ZNF717: variants seen among roughly 807,000 people sequenced by gnomAD.
The protein encoded by ZNF717 is krueppel-like factor X17.
ZNF717 carries 9 observed loss-of-function variants against 13.8 expected under a neutral mutation model. That is an observed-to-expected ratio of 0.65 (90% CI 0.39 to 1.14). The LOEUF is 1.14. ZNF717 is among the 50% of genes most tolerant of loss of function. The pLI is 0.01. For missense variants in ZNF717, 1,040 were observed against 1,080.7 expected (o/e 0.96, Z 0.53); for synonymous variants, 327 against 364.1 (o/e 0.90, Z 1.16).
At chr3:75,778,715 C>T (rs1405036331) in intron 2 of ZNF717, among the ~76,000 whole-genome samples, 1 of 150,940 alleles carries the variant, frequency 6.6e-6, no homozygotes, top group Non-Finnish European at 1.5e-5. Context: ...AACCGGAACC[C>T]AAAACAATGT....
chr3:75,754,727 G>A (rs1457519755), intron 2 of ZNF717, among the ~76,000 whole-genome samples: 1 of 152,112 alleles, frequency 6.6e-6, no homozygotes, highest in Non-Finnish European at 1.5e-5. Flanking sequence ...TACAAAAGGT[G>A]AAACAGGGTA....
chr3:75,783,251 C>G, intron 2 of ZNF717, 55 bp downstream of exon 2: 2 of 1,329,816 alleles, frequency 1.5e-6, no homozygotes, highest in Non-Finnish European at 2.1e-6. Flanking sequence ...CACAGACACC[C>G]ATAAACTCAG....
intron 2 of ZNF717, among the ~76,000 whole-genome samples, chr3:75,744,132 T>C (rs1940840777): frequency 6.6e-6 from 1 of 152,260 alleles, no homozygotes. Flanking sequence ...GAAGGAACTT[T>C]CTGAGTTTAT....
intron 1 of ZNF717, 71 bp from the exon 2 acceptor site, chr3:75,783,435 A>G (rs1944954979): frequency 1.9e-5 from 24 of 1,244,906 alleles, no homozygotes; most frequent in Admixed American, 6.4e-5. Flanking sequence ...TCTTCTGCCC[A>G]ACACTCTAGA....
downstream of ZNF717, among the ~76,000 whole-genome samples, chr3:75,708,093 A>T (rs1480289580): frequency 2.0e-5 from 3 of 152,230 alleles, no homozygotes; most frequent in African/African-American, 7.2e-5. Context: ...GACAGCTTTG[A>T]AGAGAGCAGT....
Position 75,780,093 on chromosome 3 carries a change from G to A in ZNF717, c.57+3213C>T, listed in dbSNP as rs1944692413. 2.7e-5 allele frequency among the ~76,000 whole-genome samples: 4 copies of A among 150,856 alleles called. No individual in the cohort carries two copies. The Middle Eastern group carries it at 0.01, about 396-fold the overall frequency. On this transcript the variant is annotated intron_variant, in intron 2 of 4. Coordinates refer to ENST00000652011, the MANE Select transcript of ZNF717 (RefSeq NM_001290208.3). ...GCCAGAAACCCAAAACAATGGGAGTGACGTGCTAAGCCAGAAACCCAAAAC... is the reference window on the plus strand; with the variant it reads ...GCCAGAAACCCAAAACAATGGGAGTAACGTGCTAAGCCAGAAACCCAAAAC...
At chr3:75,705,207 A>T (rs1191606131), downstream of ZNF717, among the ~76,000 whole-genome samples, 1 of 152,386 alleles carries the variant, frequency 6.6e-6, no homozygotes, top group Admixed American at 6.5e-5. Flanking sequence ...CAGTGTGAAA[A>T]TGGACTAATA....
intron 2 of ZNF717, among the ~76,000 whole-genome samples, chr3:75,752,112 G>A (rs1388632497): frequency 3.3e-5 from 5 of 150,420 alleles, no homozygotes; most frequent in Non-Finnish European, 4.4e-5. Context: ...CACTCCTACT[G>A]TGGTCTGAAT....
downstream of ZNF717, among the ~76,000 whole-genome samples, chr3:75,725,224 T>A (rs1285841522): frequency 7.0e-6 from 1 of 142,962 alleles, no homozygotes; most frequent in Admixed American, 7.1e-5. Flanking sequence ...TCCTCTCACT[T>A]CCCGTTATCT....
downstream of ZNF717, among the ~76,000 whole-genome samples, chr3:75,705,558 A>G (rs1937788040): frequency 6.6e-6 from 1 of 152,304 alleles, no homozygotes; most frequent in South Asian, 2.1e-4. Flanking sequence ...GCAACGCGTT[A>G]TTAATTTCTT....
intron 6 of ZNF717, among the ~76,000 whole-genome samples, chr3:75,698,170 T>A (rs74281631): frequency 9.9e-5 from 15 of 152,126 alleles, no homozygotes; most frequent in African/African-American, 3.1e-4. Flanking sequence ...AAAAAGGTTG[T>A]AACTTAAGCT....
chr3:75,724,782 C>T lies in ZNF717; in HGVS notation n.545-8241G>A, dbSNP rs1402195530. Among the ~76,000 whole-genome samples, 5 of 152,078 alleles carry T rather than the reference C, an allele frequency of 3.3e-5. No homozygotes were observed. In the East Asian group the frequency reaches 9.7e-4, roughly 29 times the overall value. ...ACGGTTTTACTTACTATTGCATTTG[C>T]ACCAAAGCAGAGAACAAAAACAAGC... On this transcript the variant is annotated intron_variant and non_coding_transcript_variant, in intron 4 of 5. Transcript: ENST00000491507.
rs75376937 is a variant in ZNF717 at position 75,699,026 on chromosome 3, A to G, written n.1085+12161T>C. Among the ~76,000 whole-genome samples, 375 of 143,790 alleles carry G rather than the reference A, an allele frequency of 2.6e-3. No homozygotes were observed. The South Asian group carries it at 0.033, about 13-fold the overall frequency. 94.3% of individuals were successfully genotyped at this position (143,790 alleles called of 152,430 possible). On this transcript the variant is annotated intron_variant and non_coding_transcript_variant, in intron 6 of 6. Coordinates refer to the ZNF717 transcript ENST00000648506. ...GAAAATGGGACACAGAGTGAAAAAT[A>G]ATTATTTTGGAGCCTTACAATTCAG...
At position 75,741,614 on chromosome 3, in the gene ZNF717, T is replaced by C; in HGVS notation, c.180A>G (p.Ser60=). The C allele has an allele frequency of 6.2e-7, 1 of 1,610,290 alleles. No individual in the cohort carries two copies. Among genetic ancestry groups the C allele is most frequent in the Admixed American group, 1.7e-5 (1 of 59,220 alleles). The change falls in exon 3 of 5, where the codon TCA becomes TCG. Residue 60 remains serine (S), a synonymous_variant. Coordinates refer to ENST00000652011, the MANE Select transcript of ZNF717 (RefSeq NM_001290208.3). ...VMLETYSSLV[S]LGHYITKPEM... ...TTACTGGCAAGTTTCACTCACCCAA[T>C]GATACCAGGCTGCTGTAGGTCTCCA...
downstream of ZNF717, among the ~76,000 whole-genome samples, chr3:75,734,071 TTTTA>T (rs1938856912): frequency 6.6e-6 from 1 of 152,030 alleles, no homozygotes; most frequent in East Asian, 1.9e-4. Flanking sequence ...TTTTATTTAT[TTTTA>T]TTTATTTATT....
intron 2 of ZNF717, among the ~76,000 whole-genome samples, chr3:75,779,576 T>C (rs1047364550): frequency 2.9e-5 from 4 of 139,718 alleles, no homozygotes; most frequent in African/African-American, 8.0e-5. Context: ...GGGAGTGACG[T>C]GCTAAAACCG....
At chr3:75,768,713 G>T (rs1292231840) in intron 2 of ZNF717, among the ~76,000 whole-genome samples, 1 of 149,914 alleles carries the variant, frequency 6.7e-6, no homozygotes, top group Non-Finnish European at 1.5e-5. Context: ...CACTGCGGCT[G>T]AGTGTGTGGG....
intron 4 of ZNF717, among the ~76,000 whole-genome samples, chr3:75,724,625 AT>A (rs1262277329): frequency 3.3e-5 from 5 of 152,208 alleles, no homozygotes; most frequent in Non-Finnish European, 5.9e-5. Context: ...TGAAAATTAT[AT>A]TTTTTACTGC....
rs1455314851 is a variant in ZNF717, at chr3:75,765,013, A to G, written c.57+18293T>C. On this transcript the variant is annotated intron_variant, in intron 2 of 4. Coordinates refer to ENST00000652011, the MANE Select transcript of ZNF717 (RefSeq NM_001290208.3). ...AGGATATATATATATATATATATAT[A>G]TATATATATATATATATGTATATGT... Among the ~76,000 whole-genome samples, 70 of 19,548 alleles carry G rather than the reference A, an allele frequency of 3.6e-3. 1 individual carries two copies. Among genetic ancestry groups the G allele is most frequent in the Middle Eastern group, 0.028 (1 of 36 alleles). 12.8% of individuals were successfully genotyped at this position (19,548 alleles called of 152,430 possible).
Sources: allele counts gnomAD v4.1 joint callset (sites outside exome capture counted in the v4.1 genomes callset), GRCh38; gene constraint gnomAD v4.1.1; transcripts MANE v1.5; gene names NCBI Gene and HGNC (gene_info 2026-07-23, HGNC 2026-07-21).